The following TSC22D1 variants were observed in gnomAD, a reference collection of about 807,000 sequenced individuals.
The protein encoded by TSC22D1 is TSC22 domain family protein 1.
In TSC22D1, 9 loss-of-function variants were observed where a neutral mutation model predicts 74.2. That is an observed-to-expected ratio of 0.12 (90% CI 0.07 to 0.21). The LOEUF is 0.21. Ranked by LOEUF, TSC22D1 falls within the 10% of genes least tolerant of loss-of-function variation. The pLI is 1.00. For missense variants in TSC22D1, 1,427 were observed against 1,304.7 expected, an observed-to-expected ratio of 1.09 and a Z score of -1.44; for synonymous variants, 586 against 492.5, an observed-to-expected ratio of 1.19 and a Z score of -2.51.
chr13:44,499,183 C>A (rs1407534715), intron 1 of TSC22D1, among the ~76,000 whole-genome samples: 1 of 152,208 alleles, frequency 6.6e-6, no homozygotes. Flanking sequence ...AGTTCTCAGG[C>A]TTGCCAAATC....
In TSC22D1 at chr13:44,576,261, A is replaced by G; in HGVS notation, c.-187T>C. On this transcript the variant is annotated 5_prime_UTR_variant, in exon 1 of 3. Coordinates refer to ENST00000458659, the MANE Select transcript of TSC22D1 (RefSeq NM_183422.4). ...TCGAGAGCGAGCTTCGGAAAGGAGG[A>G]TGAACGAGGGTGAACAGGGCGGCCG... The G allele has an allele frequency of 3.5e-6, 3 of 860,798 alleles. No individual in the cohort carries two copies. The highest frequency in any genetic ancestry group is 3.4e-6 in the Non-Finnish European group (2 of 581,418). 53.3% of individuals were successfully genotyped at this position (860,798 alleles called of 1,614,324 possible).
chr13:44,524,317 G>A (rs1381334290), intron 1 of TSC22D1, among the ~76,000 whole-genome samples: 1 of 150,312 alleles, frequency 6.7e-6, no homozygotes, highest in East Asian at 1.9e-4. Flanking sequence ...GCTTCTCTTA[G>A]ATCCATCAGA....
intron 1 of TSC22D1, among the ~76,000 whole-genome samples, chr13:44,486,408 G>A (rs541432264): frequency 1.1e-4 from 16 of 152,190 alleles, no homozygotes; most frequent in African/African-American, 3.9e-4. Flanking sequence ...AAAGAGAATC[G>A]TGACATAACA....
intron 1 of TSC22D1, among the ~76,000 whole-genome samples, chr13:44,525,795 CAAA>C (rs59399056): frequency 0.13 from 11,554 of 88,440 alleles, 467 homozygotes; most frequent in Non-Finnish European, 0.19. Flanking sequence ...TAGCTTTTAA[CAAA>C]AAAAAAAAAA....
In TSC22D1 at chr13:44,574,208, G is replaced by A; in HGVS notation, c.1867C>T (p.Pro623Ser). Residue 623 changes from proline (P) to serine (S), a missense_variant, in exon 1 of 3, where the codon CCA becomes TCA. Physicochemically the swap from Pro to Ser is moderately conservative, Grantham distance 74. Transcript: ENST00000458659. ...TGTCCATACTGTAACTGTTGGGGTGGTGGTGCCCCTGGAAGGGGAGTTTGC... is the reference window on the plus strand; with the variant it reads ...TGTCCATACTGTAACTGTTGGGGTGATGGTGCCCCTGGAAGGGGAGTTTGC... ...PVQTPLPGAP[P>S]PQQLQYGQQQ... 6.2e-7 allele frequency: 1 copy of A among 1,614,278 alleles called. No individual in the cohort carries two copies. Among genetic ancestry groups the A allele is most frequent in the Non-Finnish European group, 8.5e-7 (1 of 1,180,054 alleles).
chr13:44,497,303 T>C (rs1566140160), intron 1 of TSC22D1, among the ~76,000 whole-genome samples: 1 of 152,242 alleles, frequency 6.6e-6, no homozygotes, highest in Non-Finnish European at 1.5e-5. Flanking sequence ...GGTCACATAG[T>C]ATATGATTTC....
At chr13:44,479,126 T>C (rs1288602431) in intron 1 of TSC22D1, among the ~76,000 whole-genome samples, 1 of 152,172 alleles carries the variant, frequency 6.6e-6, no homozygotes, top group African/African-American at 2.4e-5. Context: ...ACACCAGAAC[T>C]AGGTTATCTA....
chr13:44,450,249 A>G (rs1876013210), intron 1 of TSC22D1, among the ~76,000 whole-genome samples: 1 of 152,226 alleles, frequency 6.6e-6, no homozygotes, highest in Non-Finnish European at 1.5e-5. Context: ...ACCTCTCAGT[A>G]GTTGAGTGTG....
intron 1 of TSC22D1, among the ~76,000 whole-genome samples, chr13:44,534,347 GT>G (rs1290510027): frequency 2.8e-5 from 4 of 141,562 alleles, no homozygotes; most frequent in African/African-American, 1.1e-4. Flanking sequence ...AGGTGACACT[GT>G]GAGACCCCGT....
chr13:44,454,947 C>T (rs376368081), intron 1 of TSC22D1, among the ~76,000 whole-genome samples: 1 of 152,080 alleles, frequency 6.6e-6, no homozygotes, highest in African/African-American at 2.4e-5. Context: ...AAAAATTCAA[C>T]AAATATATAT....
At chr13:44,488,062 G>GA (rs1029533753) in intron 1 of TSC22D1, among the ~76,000 whole-genome samples, 9 of 150,312 alleles carry the variant, frequency 6.0e-5, no homozygotes, top group Non-Finnish European at 8.9e-5. Context: ...TGTCTCAAAA[G>GA]AAAAAAAAAG....
rs975124366 is a variant in TSC22D1 at position 44,576,180 on chromosome 13, T to C, written c.-106A>G. 2.2e-5 allele frequency: 31 copies of C among 1,394,070 alleles called. No homozygotes were observed. The South Asian group carries it at 2.5e-4, about 11-fold the overall frequency. The allele number at this position is 1,394,070 out of a possible 1,614,324, so 86.4% of individuals were successfully genotyped here. On this transcript the variant is annotated 5_prime_UTR_variant, in exon 1 of 3. Transcript: ENST00000458659. ...GGAAAACGGGACCTGACGCTCCGCC[T>C]GGCGCGATTCCTCCTTCTCCTCCTC...
At chr13:44,525,972 T>C (rs1880529071) in intron 1 of TSC22D1, among the ~76,000 whole-genome samples, 1 of 151,904 alleles carries the variant, frequency 6.6e-6, no homozygotes, top group African/African-American at 2.4e-5. Context: ...GTTGGTGGCT[T>C]GCGCCTGCAG....
intron 1 of TSC22D1, among the ~76,000 whole-genome samples, chr13:44,529,015 A>G (rs933267094): frequency 6.6e-6 from 1 of 152,118 alleles, no homozygotes; most frequent in African/African-American, 2.4e-5. Context: ...TCTACCAGGT[A>G]TCTCATGATA....
At chr13:44,479,956 T>C (rs1878102624) in intron 1 of TSC22D1, among the ~76,000 whole-genome samples, 1 of 152,194 alleles carries the variant, frequency 6.6e-6, no homozygotes. Context: ...AAATTTTATT[T>C]CAAAAATAGC....
intron 1 of TSC22D1, among the ~76,000 whole-genome samples, chr13:44,505,603 C>T (rs1179630616): frequency 1.3e-5 from 2 of 152,018 alleles, no homozygotes; most frequent in Non-Finnish European, 2.9e-5. Flanking sequence ...TTTTTAAAAT[C>T]CAAATTGTGC....
intron 1 of TSC22D1, among the ~76,000 whole-genome samples, chr13:44,499,969 C>T (rs1443897130): frequency 3.3e-5 from 5 of 151,872 alleles, no homozygotes; most frequent in Non-Finnish European, 7.4e-5. Context: ...TGCTTGTAAT[C>T]CCAGCTACTT....
chr13:44,533,132 G>A lies in TSC22D1; in HGVS notation c.2912+40031C>T, dbSNP rs1481153351. Among the ~76,000 whole-genome samples the A allele has an allele frequency of 2.0e-5, 3 of 152,250 alleles. No individual in the cohort carries two copies. In the East Asian group the frequency reaches 5.8e-4, roughly 29 times the overall value. On this transcript the variant is annotated intron_variant, in intron 1 of 2. Transcript: ENST00000458659. ...CTAAAGTAATTTTCAAGTAAAAATG[G>A]CATGGGAGCGGGGGCCAGGCATGGT...
At position 44,434,611 on chromosome 13, in the gene TSC22D1, CG is replaced by C. The variant is rs776487755; in HGVS notation, c.*14del. ...AGTTCACACGCAGCAGCCAGTTCTG[CG>C]GGGGCATAGGCAGCTATGCGGTTGG... On this transcript the variant is annotated 3_prime_UTR_variant, in exon 3 of 3. Coordinates refer to ENST00000458659, the MANE Select transcript of TSC22D1 (RefSeq NM_183422.4). The C allele has an allele frequency of 6.6e-7, 1 of 1,514,176 alleles. No homozygotes were observed. Among genetic ancestry groups the C allele is most frequent in the Non-Finnish European group, 8.8e-7 (1 of 1,133,986 alleles). 93.8% of individuals were successfully genotyped at this position (1,514,176 alleles called of 1,614,324 possible).
Sources: gnomAD v4.1 joint callset for allele counts (sites outside exome capture counted in the v4.1 genomes callset) on GRCh38, gnomAD v4.1.1 for gene constraint, MANE v1.5 for transcripts, NCBI Gene and HGNC (gene_info 2026-07-23, HGNC 2026-07-21) for gene names.